NFILZ: variants seen among roughly 807,000 people sequenced by gnomAD.
The protein encoded by NFILZ is NFIL3 like basic leucine zipper.
At chr19:8,643,007 T>A (rs2042925506) in intron 3 of NFILZ, among the ~76,000 whole-genome samples, 1 of 149,360 alleles carries the variant, frequency 6.7e-6, no homozygotes, top group African/African-American at 2.5e-5. Context: ...TGGAGTGCAG[T>A]GGTGTGATCA....
intron 3 of NFILZ, among the ~76,000 whole-genome samples, chr19:8,653,038 T>TTCTCTCTCCCTCTCTC (rs2042975354): frequency 4.2e-4 from 38 of 90,582 alleles, no homozygotes; most frequent in Middle Eastern, 5.6e-3. Context: ...CTTTCTTTCT[T>TTCTCTCTCCCTCTCTC]TCTCTCTCTC....
At chr19:8,659,393 TG>T (rs1430146782) in intron 3 of NFILZ, among the ~76,000 whole-genome samples, 1 of 151,754 alleles carries the variant, frequency 6.6e-6, no homozygotes, top group African/African-American at 2.4e-5. Context: ...CCAGAGAATA[TG>T]TGATCAGAGG....
intron 3 of NFILZ, among the ~76,000 whole-genome samples, chr19:8,668,556 T>C (rs919561543): frequency 4.6e-5 from 7 of 152,344 alleles, no homozygotes; most frequent in Middle Eastern, 3.4e-3. Context: ...TCCTCAGATG[T>C]AATATCTTCT....
At chr19:8,647,223 C>T (rs536491757) in intron 3 of NFILZ, among the ~76,000 whole-genome samples, 1 of 152,046 alleles carries the variant, frequency 6.6e-6, no homozygotes, top group African/African-American at 2.4e-5. Flanking sequence ...CAATGATAGA[C>T]TGGATAAAGA....
chr19:8,638,103 T>C (rs1424626596), intron 3 of NFILZ, among the ~76,000 whole-genome samples: 2 of 151,832 alleles, frequency 1.3e-5, no homozygotes, highest in Admixed American at 1.3e-4. Flanking sequence ...AGTCAAATTT[T>C]CTCAACATTA....
chr19:8,663,738 G>GTT (rs1555749444), intron 3 of NFILZ, among the ~76,000 whole-genome samples: 1 of 23,924 alleles, frequency 4.2e-5, no homozygotes, highest in Admixed American at 3.9e-4. Flanking sequence ...GTGTGTGTGT[G>GTT]TGTGTGTGTG....
intron 3 of NFILZ, among the ~76,000 whole-genome samples, chr19:8,659,735 C>G (rs1322712466): frequency 2.0e-5 from 3 of 152,154 alleles, no homozygotes; most frequent in Non-Finnish European, 4.4e-5. Context: ...TTTGGGGACC[C>G]AGAGGTGTCA....
At chr19:8,660,895 C>T (rs2043027329) in intron 3 of NFILZ, among the ~76,000 whole-genome samples, 1 of 150,254 alleles carries the variant, frequency 6.7e-6, no homozygotes, top group Non-Finnish European at 1.5e-5. Context: ...CCGCCTCAGC[C>T]TCCCAAAGTG....
At chr19:8,658,069 C>T (rs1555748683) in intron 3 of NFILZ, among the ~76,000 whole-genome samples, 2 of 152,150 alleles carry the variant, frequency 1.3e-5, no homozygotes, top group African/African-American at 4.8e-5. Flanking sequence ...CTGGCAGGAG[C>T]ATTCCAGGCA....
Position 8,670,105 on chromosome 19 carries a change from C to CT in NFILZ, c.-163-4431dup, listed in dbSNP as rs558726484. 7.0e-3 allele frequency among the ~76,000 whole-genome samples: 993 copies of CT among 142,606 alleles called. 17 individuals carry two copies. The highest frequency in any genetic ancestry group is 0.017 in the Admixed American group (246 of 14,194). The allele number at this position is 142,606 out of a possible 152,430, so 93.6% of individuals were successfully genotyped here. ...AGAGCTCACCTAATCTGACAGGTGA[C>CT]TTTTTTTTTTTTTTTGAGGCAGGGT... On this transcript the variant is annotated intron_variant, in intron 3 of 5. Transcript: ENST00000691075.
chr19:8,673,688 C>A (rs1555750487), intron 3 of NFILZ, among the ~76,000 whole-genome samples: 1 of 152,046 alleles, frequency 6.6e-6, no homozygotes, highest in Non-Finnish European at 1.5e-5. Context: ...ACTGGAGTCC[C>A]TCCCATGAAT....
At chr19:8,663,738 G>GTGTGTGTGTGTATGTGTGTGTATA in intron 3 of NFILZ, among the ~76,000 whole-genome samples, 1 of 23,970 alleles carries the variant, frequency 4.2e-5, no homozygotes, top group African/African-American at 2.6e-4. Flanking sequence ...GTGTGTGTGT[G>GTGTGTGTGTGTATGTGTGTGTATA]TGTGTGTGTG....
intron 3 of NFILZ, among the ~76,000 whole-genome samples, chr19:8,659,867 C>A (rs1478185948): frequency 6.6e-6 from 1 of 151,686 alleles, no homozygotes; most frequent in Non-Finnish European, 1.5e-5. Flanking sequence ...CTGTTTTGAG[C>A]ATAGTTTCGG....
At chr19:8,671,791 G>T (rs2043088108) in intron 3 of NFILZ, among the ~76,000 whole-genome samples, 1 of 152,192 alleles carries the variant, frequency 6.6e-6, no homozygotes, top group African/African-American at 2.4e-5. Context: ...GTCAACATCC[G>T]TTGAAGTTGG....
chr19:8,653,037 T>TC (rs1555747922), intron 3 of NFILZ, among the ~76,000 whole-genome samples: 142 of 68,274 alleles, frequency 2.1e-3, no homozygotes, highest in Middle Eastern at 6.0e-3. Context: ...TCTTTCTTTC[T>TC]TTCTCTCTCT....
chr19:8,668,039 C>T (rs1315602879), intron 3 of NFILZ, among the ~76,000 whole-genome samples: 1 of 152,098 alleles, frequency 6.6e-6, no homozygotes, highest in African/African-American at 2.4e-5. Context: ...CAGCCTCCAC[C>T]TCCCAGGCTC....
intron 3 of NFILZ, among the ~76,000 whole-genome samples, chr19:8,663,744 G>GTGTGTA (rs1418286656): frequency 1.6e-5 from 2 of 121,822 alleles, no homozygotes; most frequent in Non-Finnish European, 3.5e-5. Flanking sequence ...GTGTGTGTGT[G>GTGTGTA]TGTGTGTGTG....
At position 8,680,139 on chromosome 19, in the gene NFILZ, C is replaced by T. The variant is rs911494699; in HGVS notation, c.*2504C>T. On this transcript the variant is annotated 3_prime_UTR_variant, in exon 6 of 6. Transcript: ENST00000691075. ...TGAACCCAGGAGGTGGAGGCTGCAG[C>T]GAGCTGAGATTGCACCACTGCAGTC... Among the ~76,000 whole-genome samples the T allele has an allele frequency of 1.1e-4, 16 of 144,018 alleles. No individual in the cohort carries two copies. Among genetic ancestry groups the T allele is most frequent in the African/African-American group, 3.4e-4 (13 of 38,738 alleles). 94.5% of individuals were successfully genotyped at this position (144,018 alleles called of 152,430 possible). A position where few individuals can be genotyped will look rare whatever the true frequency, so the allele number is the denominator to read the frequency against.
At chr19:8,634,838 C>G (rs938664929) in intron 2 of NFILZ, among the ~76,000 whole-genome samples, 1 of 151,934 alleles carries the variant, frequency 6.6e-6, no homozygotes, top group African/African-American at 2.4e-5. Context: ...CAAGATGGCC[C>G]CACTGCACTT....
Sources: allele counts gnomAD v4.1 joint callset (sites outside exome capture counted in the v4.1 genomes callset), GRCh38; gene constraint gnomAD v4.1.1; transcripts MANE v1.5; gene names NCBI Gene and HGNC (gene_info 2026-07-23, HGNC 2026-07-21).